Variants in SLC4A10 observed in about 807,000 individuals in gnomAD.
SLC4A10 encodes the protein sodium-driven chloride bicarbonate exchanger.
SLC4A10 carries 42 observed loss-of-function variants against 137.7 expected under a neutral mutation model. The ratio of observed to expected loss-of-function variants is 0.30; its 90% CI spans 0.24 to 0.39. The LOEUF is 0.39. SLC4A10 is among the 10% of genes least tolerant of loss of function. SLC4A10 has a pLI of 1.00. For synonymous variants in SLC4A10, 474 were observed against 464.1 expected (o/e 1.02, Z -0.27); for missense variants, 925 against 1,355.0 (o/e 0.68, Z 4.98).
intron 3 of SLC4A10, among the ~76,000 whole-genome samples, chr2:161,815,865 A>T (rs1479009479): frequency 6.6e-6 from 1 of 152,054 alleles, no homozygotes; most frequent in Non-Finnish European, 1.5e-5. Flanking sequence ...TTTTGCCACT[A>T]TTTTTGGATG....
intron 3 of SLC4A10, among the ~76,000 whole-genome samples, chr2:161,837,917 C>T (rs62187739): frequency 0.067 from 10,243 of 152,156 alleles, 451 homozygotes; most frequent in East Asian, 0.17. Context: ...CAGCCTTTTC[C>T]ACCATGTGAT....
At chr2:161,971,034 C>T (rs1253494967) in intron 23 of SLC4A10, among the ~76,000 whole-genome samples, 1 of 152,220 alleles carries the variant, frequency 6.6e-6, no homozygotes, top group Non-Finnish European at 1.5e-5. Flanking sequence ...TTGCTACAAC[C>T]TTGACTTTGG....
chr2:161,893,746 A>G (rs2105204113), intron 10 of SLC4A10, among the ~76,000 whole-genome samples: 1 of 152,106 alleles, frequency 6.6e-6, no homozygotes, highest in East Asian at 1.9e-4. Flanking sequence ...ATAAAAAATA[A>G]CAATGTTACA....
At chr2:161,654,860 G>C (rs888042200) in intron 1 of SLC4A10, among the ~76,000 whole-genome samples, 40 of 151,974 alleles carry the variant, frequency 2.6e-4, no homozygotes, top group African/African-American at 9.4e-4. Flanking sequence ...GCTATTTGGG[G>C]TTCTTTGTGG....
At chr2:161,698,283 T>C (rs2042755075) in intron 1 of SLC4A10, among the ~76,000 whole-genome samples, 1 of 152,212 alleles carries the variant, frequency 6.6e-6, no homozygotes, top group Non-Finnish European at 1.5e-5. Context: ...GTTTTCCTAA[T>C]TGAATACCCT....
intron 1 of SLC4A10, among the ~76,000 whole-genome samples, chr2:161,712,835 T>C (rs758683438): frequency 6.6e-6 from 1 of 151,850 alleles, no homozygotes; most frequent in Non-Finnish European, 1.5e-5. Flanking sequence ...TTCCCCCAAA[T>C]TGGCAGAGTC....
At chr2:161,781,860 C>G (rs532931363) in intron 2 of SLC4A10, among the ~76,000 whole-genome samples, 7 of 152,126 alleles carry the variant, frequency 4.6e-5, no homozygotes, top group Non-Finnish European at 7.4e-5. Flanking sequence ...AGGATATTCA[C>G]GACAGCTGTC....
intron 3 of SLC4A10, among the ~76,000 whole-genome samples, chr2:161,826,585 C>T (rs2058034128): frequency 6.6e-6 from 1 of 152,042 alleles, no homozygotes. Context: ...TCTCTTTAAG[C>T]CCTGGTTAAT....
At chr2:161,949,693 G>A (rs1694449379) in intron 18 of SLC4A10, among the ~76,000 whole-genome samples, 1 of 151,836 alleles carries the variant, frequency 6.6e-6, no homozygotes, top group African/African-American at 2.4e-5. Context: ...AAGTGCTTGG[G>A]ATCGGAAGTG....
At chr2:161,801,261 A>G (rs1478230389) in intron 2 of SLC4A10, among the ~76,000 whole-genome samples, 1 of 151,302 alleles carries the variant, frequency 6.6e-6, no homozygotes, top group Non-Finnish European at 1.5e-5. Context: ...TTTCTTCTTT[A>G]TTTGTATTTT....
chr2:161,758,310 A>G (rs2049888360), intron 1 of SLC4A10, among the ~76,000 whole-genome samples: 1 of 151,984 alleles, frequency 6.6e-6, no homozygotes, highest in African/African-American at 2.4e-5. Flanking sequence ...TACAGTTTTC[A>G]TAACTTATAC....
At chr2:161,746,758 C>T (rs2048426204) in intron 1 of SLC4A10, among the ~76,000 whole-genome samples, 1 of 152,110 alleles carries the variant, frequency 6.6e-6, no homozygotes, top group Non-Finnish European at 1.5e-5. Context: ...CTGGCTTCTG[C>T]TGTTGTTTAT....
intron 23 of SLC4A10, 42 bp downstream of exon 23, chr2:161,965,215 A>G (rs1697375574): frequency 5.8e-6 from 9 of 1,549,372 alleles, no homozygotes; most frequent in Non-Finnish European, 7.9e-6. Context: ...GAAAAAAGGA[A>G]CATAGTAATA....
At chr2:161,664,099 T>G (rs1244712857) in intron 1 of SLC4A10, among the ~76,000 whole-genome samples, 1 of 152,034 alleles carries the variant, frequency 6.6e-6, no homozygotes, top group Non-Finnish European at 1.5e-5. Flanking sequence ...GGCTGTGGTC[T>G]ACTGGACATG....
chr2:161,965,794 G>T (rs142267931), intron 23 of SLC4A10, among the ~76,000 whole-genome samples: 1 of 151,852 alleles, frequency 6.6e-6, no homozygotes, highest in Non-Finnish European at 1.5e-5. Flanking sequence ...AAGTTTCGTG[G>T]CATATTTAAA....
intron 2 of SLC4A10, among the ~76,000 whole-genome samples, chr2:161,777,961 A>G (rs556046355): frequency 1.1e-4 from 16 of 151,978 alleles, no homozygotes; most frequent in Non-Finnish European, 1.9e-4. Flanking sequence ...TTAACATTAC[A>G]CGTTATAACC....
At chr2:161,739,877 T>A (rs2047709495) in intron 1 of SLC4A10, among the ~76,000 whole-genome samples, 2 of 152,192 alleles carry the variant, frequency 1.3e-5, no homozygotes, top group Non-Finnish European at 1.5e-5. Context: ...CTGCTTGACT[T>A]TTAATCCTGG....
chr2:161,821,224 CT>C (rs2057591136), intron 3 of SLC4A10, among the ~76,000 whole-genome samples: 1 of 152,122 alleles, frequency 6.6e-6, no homozygotes, highest in Non-Finnish European at 1.5e-5. Context: ...TGATTTCACT[CT>C]CATAATGGTA....
intron 10 of SLC4A10, among the ~76,000 whole-genome samples, chr2:161,885,633 G>A (rs1490665242): frequency 6.6e-6 from 1 of 152,128 alleles, no homozygotes; most frequent in Non-Finnish European, 1.5e-5. Context: ...AGCTTTGCTA[G>A]AGATAAATCA....
Sources: gnomAD v4.1 joint callset for allele counts (sites outside exome capture counted in the v4.1 genomes callset) on GRCh38, gnomAD v4.1.1 for gene constraint, MANE v1.5 for transcripts, NCBI Gene and HGNC (gene_info 2026-07-23, HGNC 2026-07-21) for gene names.